The following ZC3H4 variants were observed in gnomAD, a reference collection of about 807,000 sequenced individuals.
ZC3H4 encodes zinc finger CCCH-type containing 4.
A neutral mutation model predicts 108.3 loss-of-function variants in ZC3H4; 13 were observed. The observed-to-expected ratio is 0.12, with a 90% confidence interval of 0.08 to 0.19. ZC3H4 has a LOEUF of 0.19. Among genes scored for constraint, ZC3H4 ranks in the 10% least tolerant of loss-of-function variants. The pLI is 1.00. For synonymous variants in ZC3H4, 917 were observed against 749.6 expected (o/e 1.22, Z -3.65); for missense variants, 1,734 against 1,838.8 (o/e 0.94, Z 1.04).
rs773670125 is a variant in ZC3H4 at position 47,085,078 on chromosome 19, T to G, written c.1085A>C (p.Asp362Ala). Residue 362 changes from aspartate (D) to alanine (A), a missense_variant, in exon 8 of 15, where the codon GAC becomes GCC. Coordinates refer to ENST00000253048, the MANE Select transcript of ZC3H4 (RefSeq NM_015168.2). ...CACGCCCATGTCCTCGTCATAGAAG[T>G]CTTCGTCATCGTTCATTCCGCCCTT... ...MNKGGMNDDE[D>A]FYDEDMGDGG... The G allele has an allele frequency of 2.5e-6, 4 of 1,614,188 alleles. No homozygotes were observed. The South Asian group carries it at 3.3e-5, about 13-fold the overall frequency.
intron 2 of ZC3H4, among the ~76,000 whole-genome samples, chr19:47,105,760 CAA>C (rs377670838): frequency 4.7e-4 from 72 of 152,332 alleles, no homozygotes; most frequent in Middle Eastern, 3.4e-3. Flanking sequence ...TTCTCCCAAA[CAA>C]AAGTTTCCAG....
At chr19:47,111,609 G>A (rs773518795) in intron 2 of ZC3H4, among the ~76,000 whole-genome samples, 1 of 151,396 alleles carries the variant, frequency 6.6e-6, no homozygotes, top group Non-Finnish European at 1.5e-5. Context: ...GAGGACCCCT[G>A]CCCTTTAGCA....
intron 8 of ZC3H4, 62 bp from the exon 9 acceptor site, chr19:47,084,517 G>T: frequency 6.5e-7 from 1 of 1,534,988 alleles, no homozygotes; most frequent in Non-Finnish European, 9.0e-7. Flanking sequence ...ATGGGATCGG[G>T]GTTAATAAGA....
intron 1 of ZC3H4, among the ~76,000 whole-genome samples, chr19:47,113,006 T>G (rs1600127025): frequency 6.6e-6 from 1 of 152,136 alleles, no homozygotes; most frequent in East Asian, 1.9e-4. Flanking sequence ...AAAAAGGATT[T>G]GAGGGAGAGA....
intron 1 of ZC3H4, among the ~76,000 whole-genome samples, chr19:47,113,060 C>T (rs2058061328): frequency 6.6e-6 from 1 of 152,228 alleles, no homozygotes; most frequent in Non-Finnish European, 1.5e-5. Context: ...CCTTCTCTGC[C>T]CGCCCTGGGT....
Position 47,066,864 on chromosome 19 carries a change from C to T in ZC3H4, c.3404G>A (p.Gly1135Glu). 2 of 1,598,640 alleles carry T rather than the reference C, an allele frequency of 1.3e-6. No individual in the cohort carries two copies. The highest frequency in any genetic ancestry group is 1.7e-6 in the Non-Finnish European group (2 of 1,179,046). The change falls in exon 15 of 15, where the codon GGA becomes GAA. Residue 1135 changes from glycine to glutamate, a missense_variant. This residue lies in a region of ZC3H4 where 518 missense variants were observed against 499.6 expected (regional missense o/e 1.04). Transcript: ENST00000253048. ...CAGCACACTGCTCTGCCCGCCCCCT[C>T]CGCCCTGGCCCAGTCCACCGGCCGC... ...VLAAGGLGQGGGGGQSSVLSG... is the reference protein window; with the variant it reads ...VLAAGGLGQGEGGGQSSVLSG...
intron 6 of ZC3H4, among the ~76,000 whole-genome samples, chr19:47,085,665 G>A (rs1231866714): frequency 6.6e-6 from 1 of 152,182 alleles, no homozygotes; most frequent in Non-Finnish European, 1.5e-5. Context: ...GCTCTAAAAG[G>A]GAGTGGGCAG....
intron 9 of ZC3H4, 52 bp downstream of exon 9, chr19:47,084,293 T>C: frequency 6.4e-7 from 1 of 1,555,220 alleles, no homozygotes; most frequent in Non-Finnish European, 8.9e-7. Flanking sequence ...AAGCCATGTG[T>C]CCTCTGGGGG....
At chr19:47,083,107 C>T (rs1223923121) in intron 9 of ZC3H4, among the ~76,000 whole-genome samples, 5 of 151,596 alleles carry the variant, frequency 3.3e-5, no homozygotes, top group South Asian at 4.2e-4. Context: ...TGCAATGGCA[C>T]GATCTTGACT....
At chr19:47,068,770 C>T (rs2057268371) in intron 14 of ZC3H4, among the ~76,000 whole-genome samples, 1 of 152,202 alleles carries the variant, frequency 6.6e-6, no homozygotes, top group East Asian at 1.9e-4. Flanking sequence ...AAAACAGGGG[C>T]TGTGAGGGTC....
intron 2 of ZC3H4, among the ~76,000 whole-genome samples, chr19:47,099,821 T>TAA (rs34876026): frequency 5.8e-5 from 6 of 103,144 alleles, no homozygotes; most frequent in Admixed American, 1.1e-4. Context: ...TACAAGAGTT[T>TAA]AAAAAAAAAA....
chr19:47,088,757 C>T (rs112181541), intron 5 of ZC3H4, among the ~76,000 whole-genome samples: 2,059 of 152,134 alleles, frequency 0.014, 23 homozygotes, highest in Non-Finnish European at 0.02. Flanking sequence ...TCTCAAGTAG[C>T]TGGGACTATC....
chr19:47,090,334 T>G, intron 4 of ZC3H4, 145 bp from the exon 5 acceptor site: 1 of 840,970 alleles, frequency 1.2e-6, no homozygotes, highest in Non-Finnish European at 1.8e-6. Flanking sequence ...CTCCAGCCCC[T>G]CTGGGGACTG....
In ZC3H4 at chr19:47,091,253, C is replaced by T. The variant is rs184616377; in HGVS notation, c.493-1064G>A. On this transcript the variant is annotated intron_variant, in intron 4 of 14. Transcript: ENST00000253048. ...CACCACTGCACTCCAACCAGGGTGA[C>T]ACAGCGAAACAACAACTCAAAAAAA... 4.6e-5 allele frequency among the ~76,000 whole-genome samples: 7 copies of T among 151,786 alleles called. No individual in the cohort carries two copies. In the East Asian group the frequency reaches 9.7e-4, roughly 21 times the overall value.
intron 2 of ZC3H4, among the ~76,000 whole-genome samples, chr19:47,095,147 G>A (rs2057801216): frequency 6.6e-6 from 1 of 152,212 alleles, no homozygotes; most frequent in South Asian, 2.1e-4. Context: ...GCCCCAGTGA[G>A]CTGGGCGTCA....
In ZC3H4 at chr19:47,094,543, G is replaced by A. The variant is rs746886788; in HGVS notation, c.227C>T (p.Ser76Phe). The change falls in exon 3 of 15, where the codon TCC becomes TTC. Residue 76 changes from serine (S) to phenylalanine (F), a missense_variant. Ser to Phe is a radical substitution (Grantham distance 155). Transcript: ENST00000253048. ...TTTCCGGCTTCTCTCAGGCCCTCCG[G>A]AGGTATCCTGGGTCTCCTCTGCCCC... ...DDGAEETQDT[S>F]GGPERSRKEK... The A allele has an allele frequency of 9.3e-6, 15 of 1,614,172 alleles. No homozygotes were observed. In the South Asian group the frequency reaches 1.5e-4, roughly 17 times the overall value.
In ZC3H4 at chr19:47,081,622, C is replaced by T. The variant is rs1407225755; in HGVS notation, c.1331G>A (p.Gly444Asp). 6.8e-6 allele frequency: 11 copies of T among 1,613,526 alleles called. No homozygotes were observed. The highest frequency in any genetic ancestry group is 1.3e-5 in the African/African-American group (1 of 74,910). The change falls in exon 11 of 15, where the codon GGT (glycine) becomes GAT (aspartate). Residue 444 changes from glycine to aspartate, a missense_variant and splice_region_variant. By Grantham distance (94) the Gly-to-Asp change is moderately conservative. Coordinates refer to ENST00000253048, the MANE Select transcript of ZC3H4 (RefSeq NM_015168.2). ...ARAENCPYMH[G>D]DFPCKLYHTT... ...GTGGTACAGCTTACACGGGAAATCA[C>T]GTTCATGGCAAATTAAGGTAAATGC...
intron 2 of ZC3H4, among the ~76,000 whole-genome samples, chr19:47,096,233 G>C (rs907671891): frequency 6.6e-6 from 1 of 152,216 alleles, no homozygotes; most frequent in African/African-American, 2.4e-5. Context: ...TCTCAAAACA[G>C]AATGCAGGAC....
chr19:47,096,792 T>A, intron 2 of ZC3H4: 2 of 985,374 alleles, frequency 2.0e-6, no homozygotes, highest in Non-Finnish European at 2.4e-6. Flanking sequence ...CTGTGCCAGG[T>A]TGCTTGACTA....
Sources: allele counts gnomAD v4.1 joint callset (sites outside exome capture counted in the v4.1 genomes callset), GRCh38; gene constraint gnomAD v4.1.1; regional missense constraint gnomAD v4.1.1; transcripts MANE v1.5; gene names NCBI Gene and HGNC (gene_info 2026-07-23, HGNC 2026-07-21).